Variants in MAF observed in about 807,000 individuals in gnomAD.
The protein encoded by MAF is MAF bZIP transcription factor.
MAF carries 10 observed loss-of-function variants against 22.0 expected under a neutral mutation model. The observed-to-expected ratio is 0.45, with a 90% CI of 0.28 to 0.77. MAF has a LOEUF of 0.77. Among genes scored for constraint, MAF ranks in the 30% least tolerant of loss-of-function variants. The pLI, the probability that MAF is intolerant of heterozygous loss-of-function variation, is 0.12. For synonymous variants in MAF, 337 were observed against 255.8 expected, an observed-to-expected ratio of 1.32 and a Z score of -3.03; for missense variants, 544 against 548.4, an observed-to-expected ratio of 0.99 and a Z score of 0.08.
chr16:79,320,235 C>CTA, the MAF span, among the ~76,000 whole-genome samples: 2 of 152,098 alleles, frequency 1.3e-5, no homozygotes, highest in South Asian at 2.1e-4. Flanking sequence ...ATGTCTCTCT[C>CTA]TATATATATA....
chr16:79,506,025 AAAG>A, the MAF span, among the ~76,000 whole-genome samples: 1 of 151,232 alleles, frequency 6.6e-6, no homozygotes, highest in Non-Finnish European at 1.5e-5. Flanking sequence ...GAGAGGAGGA[AAAG>A]AAGAGGGAGG....
At chr16:79,321,896 G>T in the MAF span, among the ~76,000 whole-genome samples, 5 of 151,942 alleles carry the variant, frequency 3.3e-5, no homozygotes, top group African/African-American at 1.2e-4. Context: ...TAGAGACCAA[G>T]ACTTGGTCCT....
the MAF span, among the ~76,000 whole-genome samples, chr16:79,561,254 TC>T: frequency 6.6e-6 from 1 of 152,116 alleles, no homozygotes; most frequent in Non-Finnish European, 1.5e-5. Flanking sequence ...CATTTTTTTT[TC>T]CTAGATGTCC....
chr16:79,367,686 T>A, the MAF span, among the ~76,000 whole-genome samples: 3 of 152,236 alleles, frequency 2.0e-5, no homozygotes, highest in Non-Finnish European at 4.4e-5. Context: ...GCCAAGGAAC[T>A]GAATTTTCAG....
chr16:79,490,011 C>T, the MAF span, among the ~76,000 whole-genome samples: 1 of 152,126 alleles, frequency 6.6e-6, no homozygotes, highest in Non-Finnish European at 1.5e-5. Flanking sequence ...GGATGAAAGC[C>T]ATCATCTCAT....
chr16:79,599,945 G>A lies in MAF; in HGVS notation c.-43C>T, dbSNP rs1567568712. ...CGCCGCCGCCGCCGCTCCGCCAGAT[G>A]GGCTGCAGGAGAGGGGCCAGCGGGC... On this transcript the variant is annotated 5_prime_UTR_variant, in exon 1 of 2. Coordinates refer to ENST00000326043, the MANE Select transcript of MAF (RefSeq NM_005360.5). 5 of 1,597,730 alleles carry A rather than the reference G, an allele frequency of 3.1e-6. No individual in the cohort carries two copies. The highest frequency in any genetic ancestry group is 1.7e-5 in the Admixed American group (1 of 59,978).
chr16:79,501,772 C>G, the MAF span, among the ~76,000 whole-genome samples: 1 of 152,144 alleles, frequency 6.6e-6, no homozygotes, highest in Non-Finnish European at 1.5e-5. Flanking sequence ...CCTTCGGCAC[C>G]GGACAATGAG....
the MAF span, among the ~76,000 whole-genome samples, chr16:79,297,411 T>C: frequency 1.3e-5 from 2 of 152,018 alleles, no homozygotes; most frequent in African/African-American, 4.8e-5. Flanking sequence ...AAAACAGGGA[T>C]GGATAAGGAA....
the MAF span, among the ~76,000 whole-genome samples, chr16:79,429,651 T>G: frequency 5.3e-5 from 8 of 152,182 alleles, no homozygotes; most frequent in African/African-American, 7.2e-5. Flanking sequence ...CGGGCTCCTC[T>G]CCCAGGGTGT....
the MAF span, among the ~76,000 whole-genome samples, chr16:79,231,586 G>T: frequency 6.6e-6 from 1 of 151,978 alleles, no homozygotes; most frequent in African/African-American, 2.4e-5. Context: ...TCTATCTATT[G>T]TTCCATCCCA....
the MAF span, among the ~76,000 whole-genome samples, chr16:79,459,478 T>C: frequency 6.6e-6 from 1 of 152,206 alleles, no homozygotes. Flanking sequence ...ATCAGTACCA[T>C]GCTGTTTTTC....
chr16:79,523,735 T>C, the MAF span, among the ~76,000 whole-genome samples: 2 of 152,186 alleles, frequency 1.3e-5, no homozygotes, highest in South Asian at 2.1e-4. Flanking sequence ...ATGCAGAGAT[T>C]AAATAACTCG....
chr16:79,502,144 T>G, the MAF span, among the ~76,000 whole-genome samples: 1 of 152,166 alleles, frequency 6.6e-6, no homozygotes, highest in South Asian at 2.1e-4. Flanking sequence ...GAGCCCCTTG[T>G]CGTGACAGCC....
At chr16:79,252,790 G>A in the MAF span, among the ~76,000 whole-genome samples, 3 of 152,046 alleles carry the variant, frequency 2.0e-5, no homozygotes, top group Admixed American at 6.6e-5. Flanking sequence ...GTGCCCGGCC[G>A]TGGTTTTGAT....
chr16:79,330,436 C>T, the MAF span, among the ~76,000 whole-genome samples: 2 of 152,116 alleles, frequency 1.3e-5, no homozygotes, highest in African/African-American at 4.8e-5. Flanking sequence ...AATCCAGGCC[C>T]ACCTTTGAGC....
At chr16:79,231,622 CAA>C in the MAF span, among the ~76,000 whole-genome samples, 1 of 151,808 alleles carries the variant, frequency 6.6e-6, no homozygotes, top group Admixed American at 6.6e-5. Flanking sequence ...TCTTATGTTG[CAA>C]AAAGAAGAAA....
At chr16:79,479,459 G>C in the MAF span, among the ~76,000 whole-genome samples, 4 of 152,226 alleles carry the variant, frequency 2.6e-5, no homozygotes, top group Admixed American at 6.5e-5. Context: ...TGGCACTCCA[G>C]TAGTTCATTT....
At chr16:79,524,337 G>A in the MAF span, among the ~76,000 whole-genome samples, 3 of 152,262 alleles carry the variant, frequency 2.0e-5, no homozygotes, top group South Asian at 2.1e-4. Flanking sequence ...TAAGGATAAC[G>A]CCTTCCTCTG....
At chr16:79,210,337 T>C in the MAF span, among the ~76,000 whole-genome samples, 1 of 152,130 alleles carries the variant, frequency 6.6e-6, no homozygotes, top group Non-Finnish European at 1.5e-5. Context: ...GACCTGACTC[T>C]CCCAGGGATC....
Sources: gnomAD v4.1 joint callset for allele counts (sites outside exome capture counted in the v4.1 genomes callset) on GRCh38, gnomAD v4.1.1 for gene constraint, MANE v1.5 for transcripts, NCBI Gene and HGNC (gene_info 2026-07-23, HGNC 2026-07-21) for gene names.